The following CFAP299 variants were observed in gnomAD, a reference collection of about 807,000 sequenced individuals.
CFAP299 encodes cilia and flagella associated protein 299.
In CFAP299, 21 loss-of-function variants were observed where a neutral mutation model predicts 27.0. The ratio of observed to expected loss-of-function variants is 0.78; its 90% CI spans 0.55 to 1.12. The LOEUF is 1.12. CFAP299 is among the 50% of genes most tolerant of loss of function. The pLI is 0.00. For synonymous variants in CFAP299, 104 were observed against 98.1 expected (o/e 1.06, Z -0.36); for missense variants, 310 against 276.6 (o/e 1.12, Z -0.86).
rs191457684 is a variant in CFAP299, at chr4:80,575,648, C to T, written c.243-7445C>T. On this transcript the variant is annotated intron_variant, in intron 2 of 5. Transcript: ENST00000358105. ...TTCTTCATTTCAATTTAATTTATTT[C>T]TGATCTTTATTAATTTCTTATACCA... is the stretch of plus-strand genomic sequence containing the variant. Among the ~76,000 whole-genome samples, 3 of 150,842 alleles carry T rather than the reference C, an allele frequency of 2.0e-5. No homozygotes were observed. In the East Asian group the frequency reaches 5.9e-4, roughly 29 times the overall value.
intron 4 of CFAP299, among the ~76,000 whole-genome samples, chr4:80,930,922 CT>C (rs112816017): frequency 8.6e-5 from 13 of 151,350 alleles, no homozygotes; most frequent in African/African-American, 7.3e-5. Flanking sequence ...TTATTCTGTC[CT>C]TTTTTTTTCC....
At chr4:80,603,652 C>T (rs987344543) in intron 3 of CFAP299, among the ~76,000 whole-genome samples, 6 of 152,100 alleles carry the variant, frequency 3.9e-5, no homozygotes, top group Admixed American at 2.6e-4. Context: ...AATATTTGTT[C>T]AGCACATTGT....
chr4:80,366,111 G>A (rs1344397269), intron 2 of CFAP299, among the ~76,000 whole-genome samples: 1 of 152,172 alleles, frequency 6.6e-6, no homozygotes, highest in Non-Finnish European at 1.5e-5. Context: ...AGCAGGGCCA[G>A]CAGATGGTGT....
intron 3 of CFAP299, among the ~76,000 whole-genome samples, chr4:80,718,127 G>A (rs557577996): frequency 6.6e-6 from 1 of 152,148 alleles, no homozygotes; most frequent in Non-Finnish European, 1.5e-5. Flanking sequence ...GGAATCATCA[G>A]TATAGTTTTT....
chr4:80,326,498 T>C, the CFAP299 span, among the ~76,000 whole-genome samples: 1 of 152,234 alleles, frequency 6.6e-6, no homozygotes, highest in African/African-American at 2.4e-5. Context: ...GCATAGTCGC[T>C]ACAGTGGTGT....
intron 2 of CFAP299, among the ~76,000 whole-genome samples, chr4:80,475,917 A>AAAGCCAGGAGAATGTGAC (rs1461642148): frequency 1.3e-5 from 2 of 152,216 alleles, no homozygotes; most frequent in Non-Finnish European, 2.9e-5. Flanking sequence ...AGGCTGAGTG[A>AAAGCCAGGAGAATGTGAC]AAGCCAGGAG....
intron 4 of CFAP299, among the ~76,000 whole-genome samples, chr4:80,931,752 A>G (rs1216000371): frequency 6.6e-6 from 1 of 152,034 alleles, no homozygotes; most frequent in African/African-American, 2.4e-5. Flanking sequence ...ACACACGCAC[A>G]CACACACCCC....
chr4:80,326,463 A>G, the CFAP299 span, among the ~76,000 whole-genome samples: 165 of 152,320 alleles, frequency 1.1e-3, 2 homozygotes, highest in East Asian at 0.028. Flanking sequence ...CTTTATGACA[A>G]TGTGTTGCAT....
chr4:80,517,383 C>A (rs1732640250), intron 2 of CFAP299, among the ~76,000 whole-genome samples: 1 of 152,018 alleles, frequency 6.6e-6, no homozygotes, highest in African/African-American at 2.4e-5. Context: ...AAGTATATTC[C>A]AAACCATGGG....
chr4:80,725,637 T>C (rs1291515438), intron 3 of CFAP299, among the ~76,000 whole-genome samples: 2 of 152,172 alleles, frequency 1.3e-5, no homozygotes, highest in African/African-American at 4.8e-5. Context: ...ACTACTCTAA[T>C]CTATCCATAT....
intron 3 of CFAP299, among the ~76,000 whole-genome samples, chr4:80,765,969 CAGA>C (rs1560740401): frequency 6.6e-6 from 1 of 152,002 alleles, no homozygotes; most frequent in East Asian, 1.9e-4. Flanking sequence ...TATAATTTCA[CAGA>C]AGAATAGCAT....
chr4:80,801,681 C>G (rs1387412127), intron 3 of CFAP299, among the ~76,000 whole-genome samples: 3 of 152,020 alleles, frequency 2.0e-5, no homozygotes, highest in Admixed American at 1.3e-4. Flanking sequence ...TTTGCAGATC[C>G]TCCTCAAATT....
At chr4:80,631,709 C>A (rs558250231) in intron 3 of CFAP299, among the ~76,000 whole-genome samples, 1 of 152,116 alleles carries the variant, frequency 6.6e-6, no homozygotes, top group East Asian at 1.9e-4. Flanking sequence ...CTTTCAAATA[C>A]TTTTTCTTTT....
intron 3 of CFAP299, among the ~76,000 whole-genome samples, chr4:80,706,075 A>T (rs1204066033): frequency 6.6e-6 from 1 of 151,872 alleles, no homozygotes; most frequent in Non-Finnish European, 1.5e-5. Flanking sequence ...GTTGAAGTGC[A>T]TATGTTAAGG....
At chr4:80,477,041 G>T (rs1188131388) in intron 2 of CFAP299, among the ~76,000 whole-genome samples, 1 of 150,010 alleles carries the variant, frequency 6.7e-6, no homozygotes, top group African/African-American at 2.5e-5. Context: ...TATCTTCTAT[G>T]TCTTCTACCA....
In CFAP299 at chr4:80,799,179, G is replaced by A. The variant is rs187744311; in HGVS notation, c.334-70814G>A. Among the ~76,000 whole-genome samples, 482 of 101,178 alleles carry A rather than the reference G, an allele frequency of 4.8e-3. 4 individuals carry two copies. Among genetic ancestry groups the A allele is most frequent in the African/African-American group, 0.016 (367 of 23,232 alleles). The allele number at this position is 101,178 out of a possible 152,430, so 66.4% of individuals were successfully genotyped here. ...TATTTATACAATATTTATATATATT[G>A]TATAAATATATTTATATAATATTTA... On this transcript the variant is annotated intron_variant, in intron 3 of 5. Coordinates refer to ENST00000358105, the MANE Select transcript of CFAP299 (RefSeq NM_152770.3).
Position 80,855,597 on chromosome 4 carries a change from C to T in CFAP299, c.334-14396C>T, listed in dbSNP as rs540202547. Among the ~76,000 whole-genome samples, 361 of 152,280 alleles carry T rather than the reference C, an allele frequency of 2.4e-3. 3 individuals are homozygous for T. Among genetic ancestry groups the T allele is most frequent in the Middle Eastern group, 6.8e-3 (2 of 294 alleles). ...ACAGTCCCCAGAGTGTGATGTTCCC[C>T]TTCCTGTATCCATGTGTTCTCATTG... is the stretch of plus-strand genomic sequence containing the variant. On this transcript the variant is annotated intron_variant, in intron 3 of 5. Transcript: ENST00000358105.
At chr4:80,644,348 T>G (rs114629858) in intron 3 of CFAP299, among the ~76,000 whole-genome samples, 321 of 152,296 alleles carry the variant, frequency 2.1e-3, no homozygotes, top group Non-Finnish European at 3.8e-3. Context: ...TTCATTGTTT[T>G]ATTGTTTCAT....
chr4:80,591,525 T>G (rs1266458500), intron 3 of CFAP299, among the ~76,000 whole-genome samples: 1 of 152,172 alleles, frequency 6.6e-6, no homozygotes, highest in Non-Finnish European at 1.5e-5. Context: ...GGAAATGGAA[T>G]GCAAATCCAG....
Sources: allele counts gnomAD v4.1 joint callset (sites outside exome capture counted in the v4.1 genomes callset), GRCh38; gene constraint gnomAD v4.1.1; transcripts MANE v1.5; gene names NCBI Gene and HGNC (gene_info 2026-07-23, HGNC 2026-07-21).